Variants in FHIT observed in about 807,000 individuals in gnomAD.
FHIT encodes bis(5'-adenosyl)-triphosphatase.
In FHIT, 19 loss-of-function variants were observed where a neutral mutation model predicts 17.9. The ratio of observed to expected loss-of-function variants is 1.06; its 90% CI spans 0.74 to 1.56. The LOEUF (loss-of-function observed/expected upper bound fraction) is 1.56, where lower values mean the gene tolerates loss of function less well. Ranked by LOEUF, FHIT falls within the 40% of genes most tolerant of loss-of-function variation. The probability of loss-of-function intolerance (pLI) is 0.00; values close to 1 mark genes in which losing one functional copy is unlikely to be tolerated. For synonymous variants in FHIT, 81 were observed against 69.7 expected (o/e 1.16, Z -0.81); for missense variants, 248 against 189.2 (o/e 1.31, Z -1.82).
chr3:60,368,695 A>AT (rs995636173), intron 5 of FHIT, among the ~76,000 whole-genome samples: 2 of 151,910 alleles, frequency 1.3e-5, no homozygotes, highest in Non-Finnish European at 2.9e-5. Flanking sequence ...TTATTAACTT[A>AT]TTTTTTCTTT....
intron 2 of FHIT, among the ~76,000 whole-genome samples, chr3:61,058,169 G>A (rs1008596342): frequency 5.3e-5 from 8 of 152,180 alleles, no homozygotes; most frequent in Admixed American, 1.3e-4. Flanking sequence ...CTCCATAAAC[G>A]TGAGCCATGA....
chr3:60,394,047 C>CT (rs534056068), intron 5 of FHIT, among the ~76,000 whole-genome samples: 227 of 152,220 alleles, frequency 1.5e-3, no homozygotes, highest in African/African-American at 5.2e-3. Flanking sequence ...AGAAGAGTCT[C>CT]TCAGGATAGG....
At chr3:60,650,664 A>G (rs1229364463) in intron 4 of FHIT, among the ~76,000 whole-genome samples, 2 of 152,230 alleles carry the variant, frequency 1.3e-5, no homozygotes, top group Non-Finnish European at 2.9e-5. Flanking sequence ...CACTACATAT[A>G]CTACTTTATG....
At chr3:60,719,397 C>T (rs2041759510) in intron 4 of FHIT, among the ~76,000 whole-genome samples, 1 of 152,168 alleles carries the variant, frequency 6.6e-6, no homozygotes, top group Non-Finnish European at 1.5e-5. Flanking sequence ...TCAATGACTG[C>T]CAATCACCTA....
rs181650928 is a variant in FHIT at position 59,992,372 on chromosome 3, T to C, written c.279+18999A>G. 5.3e-4 allele frequency among the ~76,000 whole-genome samples: 80 copies of C among 152,226 alleles called. 1 individual carries two copies. Among genetic ancestry groups the C allele is most frequent in the African/African-American group, 1.4e-3 (60 of 41,564 alleles). ...GCCCAAGGGGTCTATAGATGCCCGTTTTAATTTAAATAAATACTAATGCTA... is the reference window on the plus strand; with the variant it reads ...GCCCAAGGGGTCTATAGATGCCCGTCTTAATTTAAATAAATACTAATGCTA... On this transcript the variant is annotated intron_variant, in intron 7 of 9. Coordinates refer to ENST00000492590, the MANE Select transcript of FHIT (RefSeq NM_002012.4).
At chr3:60,323,039 T>C (rs145428141) in intron 5 of FHIT, among the ~76,000 whole-genome samples, 1,795 of 152,298 alleles carry the variant, frequency 0.012, 35 homozygotes, top group African/African-American at 0.04. Flanking sequence ...TTTTTTTGTA[T>C]GGAAGTAGAG....
intron 8 of FHIT, among the ~76,000 whole-genome samples, chr3:59,799,108 A>T (rs996024731): frequency 2.0e-5 from 3 of 152,130 alleles, no homozygotes; most frequent in East Asian, 1.9e-4. Context: ...CTACTTAAAT[A>T]TTTTTTAACT....
At chr3:60,616,825 C>A (rs1332222657) in intron 4 of FHIT, 10 of 152,212 alleles carry the variant, frequency 6.6e-5, no homozygotes, top group African/African-American at 2.4e-4. Flanking sequence ...CTACGGCACA[C>A]AGCATTCCGA....
At chr3:60,184,754 T>G (rs957076794) in intron 5 of FHIT, among the ~76,000 whole-genome samples, 2 of 152,220 alleles carry the variant, frequency 1.3e-5, no homozygotes, top group African/African-American at 4.8e-5. Context: ...TTATGAGAAC[T>G]ATCCGGAATT....
chr3:60,214,933 A>G (rs1576320242), intron 5 of FHIT, among the ~76,000 whole-genome samples: 1 of 152,240 alleles, frequency 6.6e-6, no homozygotes, highest in East Asian at 1.9e-4. Context: ...ACCAAATACA[A>G]CACCCTCTCA....
chr3:60,206,644 T>C (rs1449895967), intron 5 of FHIT, among the ~76,000 whole-genome samples: 3 of 152,154 alleles, frequency 2.0e-5, no homozygotes, highest in Admixed American at 2.0e-4. Flanking sequence ...TATGATTAGC[T>C]TAATTATTTA....
chr3:60,196,323 C>G (rs1702638761), intron 5 of FHIT, among the ~76,000 whole-genome samples: 1 of 152,086 alleles, frequency 6.6e-6, no homozygotes, highest in Admixed American at 6.6e-5. Flanking sequence ...GGTGCCTTCC[C>G]ACATCTTCAA....
chr3:60,434,051 T>G (rs546195722), intron 5 of FHIT, among the ~76,000 whole-genome samples: 1 of 152,244 alleles, frequency 6.6e-6, no homozygotes, highest in South Asian at 2.1e-4. Flanking sequence ...GTTTTACTTC[T>G]AAATCTTTGT....
intron 7 of FHIT, among the ~76,000 whole-genome samples, chr3:59,981,637 C>T (rs534188101): frequency 2.3e-4 from 35 of 152,264 alleles, no homozygotes; most frequent in Admixed American, 5.9e-4. Context: ...GAACATACCA[C>T]GGTGCCCGCA....
intron 5 of FHIT, among the ~76,000 whole-genome samples, chr3:60,197,106 T>C (rs1401502188): frequency 6.6e-6 from 1 of 152,192 alleles, no homozygotes; most frequent in Admixed American, 6.6e-5. Flanking sequence ...AACTTTAAAA[T>C]TCGAAAAGCA....
At chr3:61,030,062 C>T (rs996863809) in intron 3 of FHIT, among the ~76,000 whole-genome samples, 1 of 152,134 alleles carries the variant, frequency 6.6e-6, no homozygotes, top group Non-Finnish European at 1.5e-5. Context: ...CTTTGCGTCC[C>T]AGACTCAGGT....
intron 5 of FHIT, among the ~76,000 whole-genome samples, chr3:60,156,265 G>C (rs1173893979): frequency 6.6e-6 from 1 of 151,366 alleles, no homozygotes; most frequent in African/African-American, 2.4e-5. Context: ...CAGGAGAGTT[G>C]CTTGAACCCG....
chr3:60,105,492 T>G (rs1704369445), intron 5 of FHIT, among the ~76,000 whole-genome samples: 1 of 152,178 alleles, frequency 6.6e-6, no homozygotes, highest in African/African-American at 2.4e-5. Context: ...ACATTTAAAA[T>G]GTAAGAGGAC....
chr3:60,122,237 T>G (rs5007870), intron 5 of FHIT, among the ~76,000 whole-genome samples: 4,655 of 152,274 alleles, frequency 0.031, 84 homozygotes, highest in Non-Finnish European at 0.041. Flanking sequence ...TATATTAGTA[T>G]AATGTTTGTC....
Sources: gnomAD v4.1 joint callset for allele counts (sites outside exome capture counted in the v4.1 genomes callset) on GRCh38, gnomAD v4.1.1 for gene constraint, MANE v1.5 for transcripts, NCBI Gene and HGNC (gene_info 2026-07-23, HGNC 2026-07-21) for gene names.